The following ATP2B2 variants were observed in gnomAD, a reference collection of about 807,000 sequenced individuals.
ATP2B2 encodes the protein plasma membrane calcium-transporting ATPase 2.
Under a neutral mutation model 120.0 loss-of-function variants are expected in ATP2B2, and 15 were observed. That is an observed-to-expected ratio of 0.12 (90% CI 0.08 to 0.19). The LOEUF (loss-of-function observed/expected upper bound fraction) is 0.19, where lower values mean the gene tolerates loss of function less well. Among genes scored for constraint, ATP2B2 ranks in the 10% least tolerant of loss-of-function variants. The probability of loss-of-function intolerance (pLI) is 1.00; values close to 1 mark genes in which losing one functional copy is unlikely to be tolerated. For synonymous variants in ATP2B2, 694 were observed against 700.3 expected, an observed-to-expected ratio of 0.99 and a Z score of 0.14; for missense variants, 1,045 against 1,719.8, an observed-to-expected ratio of 0.61 and a Z score of 6.94.
chr3:10,481,262 A>G (rs1306304819), intron 1 of ATP2B2, among the ~76,000 whole-genome samples: 1 of 152,186 alleles, frequency 6.6e-6, no homozygotes, highest in Non-Finnish European at 1.5e-5. Context: ...ACTTGCTTCT[A>G]AAGGTAGTCC....
At chr3:10,490,267 T>C (rs938866123) in intron 1 of ATP2B2, among the ~76,000 whole-genome samples, 6 of 152,250 alleles carry the variant, frequency 3.9e-5, no homozygotes, top group Non-Finnish European at 8.8e-5. Context: ...TCAGTGCCCA[T>C]GGACAGGTCA....
intron 2 of ATP2B2, among the ~76,000 whole-genome samples, chr3:10,554,958 C>T (rs2067747297): frequency 6.6e-6 from 1 of 152,170 alleles, no homozygotes; most frequent in African/African-American, 2.4e-5. Flanking sequence ...CCATTCTCTG[C>T]CAGCTGGCCT....
intron 1 of ATP2B2, among the ~76,000 whole-genome samples, chr3:10,704,025 C>T (rs2125721920): frequency 6.6e-6 from 1 of 152,274 alleles, no homozygotes; most frequent in African/African-American, 2.4e-5. Context: ...CCTGTGGAGG[C>T]CACAGTAAAG....
chr3:10,623,300 C>T (rs1019188966), intron 1 of ATP2B2, among the ~76,000 whole-genome samples: 17 of 152,172 alleles, frequency 1.1e-4, no homozygotes, highest in Non-Finnish European at 1.5e-4. Context: ...TCAAGCAATA[C>T]TCCCACCTTG....
At chr3:10,449,143 G>A (rs1012046264) in intron 2 of ATP2B2, among the ~76,000 whole-genome samples, 2 of 152,240 alleles carry the variant, frequency 1.3e-5, no homozygotes, top group Non-Finnish European at 2.9e-5. Context: ...CTTGGGTCAT[G>A]CCCAACCCCT....
intron 12 of ATP2B2, among the ~76,000 whole-genome samples, chr3:10,370,808 A>G (rs983387290): frequency 3.9e-5 from 6 of 152,198 alleles, no homozygotes; most frequent in Admixed American, 3.3e-4. Flanking sequence ...GATCACCCAG[A>G]TGCTCTCAAG....
chr3:10,544,195 A>C (rs1475483495), intron 2 of ATP2B2, among the ~76,000 whole-genome samples: 1 of 152,098 alleles, frequency 6.6e-6, no homozygotes, highest in African/African-American at 2.4e-5. Flanking sequence ...TGTTTTCCCT[A>C]ATCTGCTTGA....
At chr3:10,418,586 C>A (rs963641228) in intron 2 of ATP2B2, among the ~76,000 whole-genome samples, 1 of 146,834 alleles carries the variant, frequency 6.8e-6, no homozygotes, top group African/African-American at 2.4e-5. Flanking sequence ...CTCCCCTGTT[C>A]TGAGGCCCCA....
At chr3:10,536,890 T>C (rs891799953) in intron 2 of ATP2B2, among the ~76,000 whole-genome samples, 1 of 152,232 alleles carries the variant, frequency 6.6e-6, no homozygotes, top group Non-Finnish European at 1.5e-5. Flanking sequence ...TGGTCCATTA[T>C]GAGTTAATTT....
intron 2 of ATP2B2, among the ~76,000 whole-genome samples, chr3:10,594,106 T>C (rs1315926038): frequency 6.6e-6 from 1 of 152,250 alleles, no homozygotes; most frequent in Non-Finnish European, 1.5e-5. Context: ...GGAACACTTT[T>C]ACACTGTTGG....
chr3:10,404,100 G>A (rs1213757409), intron 3 of ATP2B2, among the ~76,000 whole-genome samples: 1 of 152,192 alleles, frequency 6.6e-6, no homozygotes, highest in South Asian at 2.1e-4. Flanking sequence ...GCCCAAGCCT[G>A]GGGAGATATG....
At chr3:10,473,732 G>C (rs1262865749) in intron 1 of ATP2B2, among the ~76,000 whole-genome samples, 1 of 152,226 alleles carries the variant, frequency 6.6e-6, no homozygotes, top group Non-Finnish European at 1.5e-5. Context: ...GTATGTTCCA[G>C]GCAGAGTGAA....
intron 2 of ATP2B2, among the ~76,000 whole-genome samples, chr3:10,555,519 C>T (rs2067759499): frequency 6.6e-6 from 1 of 152,228 alleles, no homozygotes; most frequent in African/African-American, 2.4e-5. Context: ...TTCTGGCTTC[C>T]TTGTGGCACC....
intron 1 of ATP2B2, among the ~76,000 whole-genome samples, chr3:10,620,658 C>A (rs926996743): frequency 3.0e-4 from 46 of 152,160 alleles, no homozygotes; most frequent in African/African-American, 1.0e-3. Context: ...GAGCTGTCAC[C>A]TGTGATCAAA....
chr3:10,364,737 A>T (rs1031875943), intron 12 of ATP2B2, among the ~76,000 whole-genome samples: 2 of 152,078 alleles, frequency 1.3e-5, no homozygotes, highest in Non-Finnish European at 2.9e-5. Context: ...AATAATAAAA[A>T]TAAAAAAATA....
chr3:10,666,177 G>A (rs779143335), intron 1 of ATP2B2, among the ~76,000 whole-genome samples: 23 of 152,246 alleles, frequency 1.5e-4, no homozygotes, highest in Admixed American at 5.2e-4. Context: ...AGTGCTATCG[G>A]TTTTGGTGGG....
chr3:10,541,289 T>A (rs1316571313), intron 2 of ATP2B2, among the ~76,000 whole-genome samples: 1 of 152,202 alleles, frequency 6.6e-6, no homozygotes, highest in Non-Finnish European at 1.5e-5. Context: ...TTAACTTTAT[T>A]ATTTCCTTTC....
At chr3:10,469,268 A>G (rs2064883137) in intron 1 of ATP2B2, among the ~76,000 whole-genome samples, 1 of 152,234 alleles carries the variant, frequency 6.6e-6, no homozygotes, top group South Asian at 2.1e-4. Flanking sequence ...CACTTTTTAC[A>G]CGTCATCTCA....
At position 10,452,687 on chromosome 3, in the gene ATP2B2, T is replaced by C. The variant is rs368047410; in HGVS notation, c.-319-2825A>G. ...TGTAGGAGAGATGGGTCTCAGATGC[T>C]GGGGGAAGGCTGAACCCCGCTGGAG... On this transcript the variant is annotated intron_variant, in intron 1 of 22. Transcript: ENST00000360273. 2.5e-3 allele frequency among the ~76,000 whole-genome samples: 380 copies of C among 152,104 alleles called. 2 individuals carry two copies. The highest frequency in any genetic ancestry group is 8.8e-3 in the African/African-American group (364 of 41,486).
Sources: allele counts gnomAD v4.1 joint callset (sites outside exome capture counted in the v4.1 genomes callset), GRCh38; gene constraint gnomAD v4.1.1; transcripts MANE v1.5; gene names NCBI Gene and HGNC (gene_info 2026-07-23, HGNC 2026-07-21).